Variants in SLC25A21 observed in about 807,000 individuals in gnomAD.
The protein encoded by SLC25A21 is solute carrier family 25 member 21.
In SLC25A21, 47 loss-of-function variants were observed where a neutral mutation model predicts 43.8. The observed-to-expected ratio is 1.07, with a 90% CI of 0.85 to 1.37. The LOEUF is 1.37. Ranked by LOEUF, SLC25A21 falls within the 40% of genes most tolerant of loss-of-function variation. The pLI, the probability that SLC25A21 is intolerant of heterozygous loss-of-function variation, is 0.00. For synonymous variants in SLC25A21, 131 were observed against 121.3 expected (o/e 1.08, Z -0.52); for missense variants, 352 against 350.2 (o/e 1.00, Z -0.04).
At chr14:36,844,812 A>T (rs1889492332) in intron 2 of SLC25A21, among the ~76,000 whole-genome samples, 1 of 152,212 alleles carries the variant, frequency 6.6e-6, no homozygotes, top group Admixed American at 6.5e-5. Flanking sequence ...AGTTTAATGA[A>T]TGCTGGTCAT....
chr14:36,888,873 C>T (rs1890998909), intron 1 of SLC25A21, among the ~76,000 whole-genome samples: 1 of 152,216 alleles, frequency 6.6e-6, no homozygotes, highest in South Asian at 2.1e-4. Context: ...CCCACTCTAA[C>T]TAGCATTACT....
intron 1 of SLC25A21, among the ~76,000 whole-genome samples, chr14:36,924,952 A>G (rs1171635767): frequency 2.0e-5 from 3 of 152,144 alleles, no homozygotes; most frequent in African/African-American, 7.2e-5. Flanking sequence ...AACTCCCCAC[A>G]GTTACTGAGG....
chr14:36,826,578 T>C (rs1044092678), intron 2 of SLC25A21, among the ~76,000 whole-genome samples: 15 of 152,206 alleles, frequency 9.9e-5, no homozygotes, highest in African/African-American at 3.1e-4. Context: ...CCTAGCTTGA[T>C]TATGGCTCTT....
chr14:37,097,891 A>T (rs1962732075), intron 1 of SLC25A21: 1 of 47,060 alleles, frequency 2.1e-5, no homozygotes, highest in Non-Finnish European at 1.3e-4. Context: ...CTCAAAAAAA[A>T]AAAATAATAA....
At chr14:37,094,973 C>A (rs1962658766) in intron 1 of SLC25A21, among the ~76,000 whole-genome samples, 1 of 151,980 alleles carries the variant, frequency 6.6e-6, no homozygotes, top group African/African-American at 2.4e-5. Flanking sequence ...TCTCACCACA[C>A]ACACAAAAAA....
chr14:36,704,137 G>A (rs1017310356), intron 7 of SLC25A21, among the ~76,000 whole-genome samples: 10 of 152,146 alleles, frequency 6.6e-5, no homozygotes, highest in African/African-American at 2.4e-4. Flanking sequence ...ACATAACATA[G>A]GGCATCATTT....
intron 5 of SLC25A21, among the ~76,000 whole-genome samples, chr14:36,729,133 G>T (rs543884402): frequency 6.6e-6 from 1 of 152,274 alleles, no homozygotes; most frequent in Non-Finnish European, 1.5e-5. Context: ...TACTACAGCT[G>T]GTGCAAAAGC....
chr14:36,725,740 C>T, intron 5 of SLC25A21, 63 bp from the exon 6 acceptor site: 2 of 1,008,792 alleles, frequency 2.0e-6, no homozygotes, highest in Non-Finnish European at 2.9e-6. Context: ...GTTAAACATC[C>T]TATTCATTAC....
chr14:36,810,052 C>T (rs1594607669), intron 3 of SLC25A21, among the ~76,000 whole-genome samples: 3 of 152,196 alleles, frequency 2.0e-5, no homozygotes, highest in South Asian at 2.1e-4. Flanking sequence ...CTATGAAATG[C>T]TCTTGCTCTG....
At chr14:36,741,603 T>C (rs1458475075) in intron 3 of SLC25A21, among the ~76,000 whole-genome samples, 1 of 152,170 alleles carries the variant, frequency 6.6e-6, no homozygotes, top group Non-Finnish European at 1.5e-5. Flanking sequence ...AAAGCCAGGA[T>C]AGAGATGCAC....
intron 3 of SLC25A21, among the ~76,000 whole-genome samples, chr14:36,800,305 A>C (rs1261443710): frequency 2.0e-5 from 3 of 152,212 alleles, no homozygotes; most frequent in Non-Finnish European, 4.4e-5. Context: ...AAGAGCCAAA[A>C]GGTGGAGGCA....
intron 1 of SLC25A21, among the ~76,000 whole-genome samples, chr14:37,158,374 T>C (rs2138944862): frequency 6.6e-6 from 1 of 152,150 alleles, no homozygotes; most frequent in African/African-American, 2.4e-5. Context: ...ATCAAAAAGA[T>C]AATACACCAT....
At chr14:36,796,435 T>C (rs1887676221) in intron 3 of SLC25A21, among the ~76,000 whole-genome samples, 1 of 151,898 alleles carries the variant, frequency 6.6e-6, no homozygotes, top group African/African-American at 2.4e-5. Context: ...TTTTAAAAAG[T>C]ACCAAATCTA....
chr14:36,738,227 A>G (rs1159468493), intron 3 of SLC25A21, among the ~76,000 whole-genome samples: 2 of 152,238 alleles, frequency 1.3e-5, no homozygotes, highest in Admixed American at 6.5e-5. Context: ...TCTTGACTAG[A>G]TAATTACTGA....
chr14:37,005,288 T>A (rs962697508), intron 1 of SLC25A21, among the ~76,000 whole-genome samples: 10 of 146,822 alleles, frequency 6.8e-5, no homozygotes, highest in Admixed American at 2.0e-4. Flanking sequence ...TTCCATTGCA[T>A]TTGGACATGC....
intron 1 of SLC25A21, among the ~76,000 whole-genome samples, chr14:37,145,306 C>T (rs1175945957): frequency 6.6e-6 from 1 of 151,870 alleles, no homozygotes; most frequent in East Asian, 1.9e-4. Flanking sequence ...CGCTCTGTTG[C>T]CCAGGCTGGA....
intron 2 of SLC25A21, among the ~76,000 whole-genome samples, chr14:36,866,448 G>C (rs1426315615): frequency 6.6e-6 from 1 of 152,020 alleles, no homozygotes. Flanking sequence ...TCCTTTCCTG[G>C]GATTAAAAAT....
rs539971807 is a variant in SLC25A21 at position 36,995,342 on chromosome 14, C to T, written c.71-120338G>A. On this transcript the variant is annotated intron_variant, in intron 1 of 9. Transcript: ENST00000331299. Reference sequence around the variant, plus strand: ...TTTAATATCTGGTCAGTCTGTTGGTCGTTTTGCTTATAAGACCTATAATGT... The same window carrying T: ...TTTAATATCTGGTCAGTCTGTTGGTTGTTTTGCTTATAAGACCTATAATGT... 1.1e-4 allele frequency among the ~76,000 whole-genome samples: 17 copies of T among 152,124 alleles called. 1 individual carries two copies. Among genetic ancestry groups the T allele is most frequent in the African/African-American group, 4.1e-4 (17 of 41,508 alleles).
At chr14:36,704,806 T>G (rs1883437690) in intron 7 of SLC25A21, among the ~76,000 whole-genome samples, 1 of 152,162 alleles carries the variant, frequency 6.6e-6, no homozygotes, top group Non-Finnish European at 1.5e-5. Flanking sequence ...GTGAATTACT[T>G]CAGTAACTCA....
Sources: allele counts gnomAD v4.1 joint callset (sites outside exome capture counted in the v4.1 genomes callset), GRCh38; gene constraint gnomAD v4.1.1; transcripts MANE v1.5; gene names NCBI Gene and HGNC (gene_info 2026-07-23, HGNC 2026-07-21).